The following CARNMT1 variants were observed in gnomAD, a reference collection of about 807,000 sequenced individuals.
CARNMT1 encodes carnosine N-methyltransferase 1, also known as protein-L-histidine N-pros-methyltransferase CARNMT1.
CARNMT1 carries 28 observed loss-of-function variants against 49.6 expected under a neutral mutation model. The ratio of observed to expected loss-of-function variants is 0.56; its 90% confidence interval spans 0.42 to 0.77. CARNMT1 has a LOEUF of 0.77. Ranked by LOEUF, CARNMT1 falls within the 30% of genes least tolerant of loss-of-function variation. The pLI, the probability that CARNMT1 is intolerant of heterozygous loss-of-function variation, is 0.00. For synonymous variants in CARNMT1, 178 were observed against 175.0 expected (o/e 1.02, Z -0.13); for missense variants, 421 against 512.6 (o/e 0.82, Z 1.73).
chr9:75,028,165 T>C lies in CARNMT1; in HGVS notation c.77A>G (p.Glu26Gly), dbSNP rs966907591. Reference sequence around the variant, plus strand: ...GGCGGAAAACTGCACTTCCACCTCCTCGCTGCCACCGCCTCCTCCCCCGCA... The same window carrying C: ...GGCGGAAAACTGCACTTCCACCTCCCCGCTGCCACCGCCTCCTCCCCCGCA... ...EGCGGGGGGS[E>G]EVEVQFSAGR... The change falls in exon 1 of 8, where the codon GAG becomes GGG. Residue 26 changes from glutamate (E) to glycine (G), a missense_variant. Transcript: ENST00000376834. 5.9e-6 allele frequency: 9 copies of C among 1,528,762 alleles called. No individual in the cohort carries two copies. The highest frequency in any genetic ancestry group is 4.0e-5 in the Admixed American group (2 of 49,540). 94.7% of individuals were successfully genotyped at this position (1,528,762 alleles called of 1,614,324 possible).
chr9:75,008,184 A>AC (rs1156598197), intron 3 of CARNMT1, among the ~76,000 whole-genome samples: 60 of 151,240 alleles, frequency 4.0e-4, no homozygotes, highest in African/African-American at 1.4e-3. Flanking sequence ...AAAAAAAAAA[A>AC]AAAAAAAAAA....
chr9:75,024,906 A>T (rs1050686642), intron 1 of CARNMT1, among the ~76,000 whole-genome samples: 1 of 152,176 alleles, frequency 6.6e-6, no homozygotes, highest in Non-Finnish European at 1.5e-5. Flanking sequence ...CCAATAACAT[A>T]AACAACTGAC....
chr9:74,983,739 T>C lies in CARNMT1; in HGVS notation c.*28A>G. 7.0e-7 allele frequency: 1 copy of C among 1,422,612 alleles called. No individual in the cohort carries two copies. 88.1% of individuals were successfully genotyped at this position (1,422,612 alleles called of 1,614,324 possible). ...TTTCAGCATTTGTTCTTACTAAACT[T>C]TTTTCCAGGTGGTATCACTTGAGAC... is the stretch of plus-strand genomic sequence containing the variant. On this transcript the variant is annotated 3_prime_UTR_variant, in exon 8 of 8. Transcript: ENST00000376834.
At chr9:74,988,111 C>T (rs1832901669) in intron 6 of CARNMT1, among the ~76,000 whole-genome samples, 1 of 151,288 alleles carries the variant, frequency 6.6e-6, no homozygotes. Flanking sequence ...GAGACAGTGT[C>T]TTGTTATATT....
rs532682904 is a variant in CARNMT1, at chr9:75,019,179, A to G, written c.231-1731T>C. On this transcript the variant is annotated intron_variant, in intron 1 of 7. Coordinates refer to ENST00000376834, the MANE Select transcript of CARNMT1 (RefSeq NM_152420.3). Reference sequence around the variant, plus strand: ...ATTTTCTCTCTTCTCCAAGTTCTTCACTAAGAGGCCTGGGGAGTCATGCCT... The same window carrying G: ...ATTTTCTCTCTTCTCCAAGTTCTTCGCTAAGAGGCCTGGGGAGTCATGCCT... 6.6e-5 allele frequency among the ~76,000 whole-genome samples: 10 copies of G among 152,224 alleles called. No individual in the cohort carries two copies. The South Asian group carries it at 2.1e-3, about 32-fold the overall frequency.
At chr9:75,004,314 A>T (rs1016153473) in intron 3 of CARNMT1, among the ~76,000 whole-genome samples, 1 of 152,270 alleles carries the variant, frequency 6.6e-6, no homozygotes, top group Non-Finnish European at 1.5e-5. Context: ...CAATAAAATA[A>T]GTAAAAAATG....
intron 1 of CARNMT1, among the ~76,000 whole-genome samples, chr9:75,026,091 C>T (rs1822520200): frequency 1.3e-5 from 2 of 152,110 alleles, no homozygotes; most frequent in African/African-American, 4.8e-5. Context: ...TGATGTTATA[C>T]TATTTTCAGC....
chr9:74,994,964 T>C (rs1833143390), intron 6 of CARNMT1, among the ~76,000 whole-genome samples: 1 of 152,164 alleles, frequency 6.6e-6, no homozygotes, highest in East Asian at 1.9e-4. Flanking sequence ...TCTACTCTTA[T>C]CAAACAGTAT....
Position 74,983,007 on chromosome 9 carries a change from A to G in CARNMT1, c.*760T>C, listed in dbSNP as rs1037712957. The stretch of plus-strand genomic sequence containing the variant: ...GTGATGCTATTAAATTTAACATTTC[A>G]TAAAAAAGAAATGTTTGATGCTTCT... On this transcript the variant is annotated 3_prime_UTR_variant, in exon 8 of 8. Coordinates refer to ENST00000376834, the MANE Select transcript of CARNMT1 (RefSeq NM_152420.3). The G allele has an allele frequency of 1.3e-5, 2 of 152,186 alleles. No individual in the cohort carries two copies. Among genetic ancestry groups the G allele is most frequent in the Admixed American group, 1.3e-4 (2 of 15,286 alleles). 9.4% of individuals were successfully genotyped at this position (152,186 alleles called of 1,614,324 possible).
At chr9:75,027,564 C>A in intron 1 of CARNMT1, 2 of 685,622 alleles carry the variant, frequency 2.9e-6, no homozygotes, top group South Asian at 1.3e-4. Flanking sequence ...TGGGAAAATA[C>A]GTCCTACAGC....
chr9:75,006,022 TGGATTCTGAAG>T (rs1384448206), intron 3 of CARNMT1, among the ~76,000 whole-genome samples: 1 of 152,064 alleles, frequency 6.6e-6, no homozygotes, highest in Non-Finnish European at 1.5e-5. Context: ...AGAATCAACC[TGGATTCTGAAG>T]GGCTACAATT....
chr9:75,007,022 T>C (rs1412922784), intron 3 of CARNMT1, among the ~76,000 whole-genome samples: 1 of 152,194 alleles, frequency 6.6e-6, no homozygotes, highest in Non-Finnish European at 1.5e-5. Context: ...GATATAAACA[T>C]TTCACATTCA....
In CARNMT1 at chr9:75,016,444, C is replaced by T. The variant is rs1833855006; in HGVS notation, c.427-13G>A. On this transcript the variant is annotated splice_polypyrimidine_tract_variant and intron_variant, in intron 2 of 7. Coordinates refer to ENST00000376834, the MANE Select transcript of CARNMT1 (RefSeq NM_152420.3). ...TCTTTCCATTCCCCTGTTTAAAAAA[C>T]AGACATCAATTAGCTTCTGAGAGAG... is the stretch of plus-strand genomic sequence containing the variant. 6.2e-7 allele frequency: 1 copy of T among 1,612,626 alleles called. No individual in the cohort carries two copies. Among genetic ancestry groups the T allele is most frequent in the South Asian group, 1.1e-5 (1 of 90,692 alleles).
chr9:75,012,687 G>A (rs1833731213), intron 3 of CARNMT1, among the ~76,000 whole-genome samples: 2 of 151,940 alleles, frequency 1.3e-5, no homozygotes, highest in Admixed American at 1.3e-4. Context: ...TACAGAGTTT[G>A]CACGGCAAAG....
chr9:75,003,342 C>T (rs1158102040), intron 3 of CARNMT1, among the ~76,000 whole-genome samples: 1 of 152,344 alleles, frequency 6.6e-6, no homozygotes, highest in African/African-American at 2.4e-5. Context: ...TTCTTCACTT[C>T]GCGTCATTCA....
chr9:75,023,796 G>A (rs991104450), intron 1 of CARNMT1, among the ~76,000 whole-genome samples: 2 of 152,110 alleles, frequency 1.3e-5, no homozygotes, highest in African/African-American at 4.8e-5. Flanking sequence ...TCCATTCAAG[G>A]GCAGAGTTGA....
In CARNMT1 at chr9:75,017,410, T is replaced by C. The variant is rs151279877; in HGVS notation, c.269A>G (p.Gln90Arg). Residue 90 changes from glutamine (Q) to arginine (R), a missense_variant, in exon 2 of 8, where the codon CAG (glutamine) becomes CGG (arginine). Transcript: ENST00000376834. ...TTGGTTAGCTGGAAGTGATCGAAAC[T>C]GTCTTTCTGTTCGGTTCACCCGCTC... Reference protein sequence around the residue: ...MHERVNRTERQFRSLPANQQK... With the variant: ...MHERVNRTERRFRSLPANQQK... The C allele has an allele frequency of 2.5e-6, 4 of 1,614,028 alleles. No individual in the cohort carries two copies. The African/African-American group carries it at 4.0e-5, about 16-fold the overall frequency.
At chr9:74,992,004 G>A (rs1372587289) in intron 6 of CARNMT1, among the ~76,000 whole-genome samples, 2 of 152,138 alleles carry the variant, frequency 1.3e-5, no homozygotes, top group Non-Finnish European at 2.9e-5. Context: ...AGGCACAGTG[G>A]CTCACGCTTG....
rs376248973 is a variant in CARNMT1 at position 74,997,629 on chromosome 9, A to G, written c.910+969T>C. 2.0e-5 allele frequency among the ~76,000 whole-genome samples: 3 copies of G among 151,728 alleles called. No homozygotes were observed. In the East Asian group the frequency reaches 5.8e-4, roughly 29 times the overall value. Reference sequence around the variant, plus strand: ...CCCATCTGCAAAATTTTGCCTTCAAATATCTCAGTGGTTTGTCTGTGTACT... The same window carrying G: ...CCCATCTGCAAAATTTTGCCTTCAAGTATCTCAGTGGTTTGTCTGTGTACT... On this transcript the variant is annotated intron_variant, in intron 5 of 7. Coordinates refer to ENST00000376834, the MANE Select transcript of CARNMT1 (RefSeq NM_152420.3).
Sources: gnomAD v4.1 joint callset for allele counts (sites outside exome capture counted in the v4.1 genomes callset) on GRCh38, gnomAD v4.1.1 for gene constraint, MANE v1.5 for transcripts, NCBI Gene and HGNC (gene_info 2026-07-23, HGNC 2026-07-21) for gene names.